CCDC40: variants seen among roughly 807,000 people sequenced by gnomAD.
CCDC40 encodes coiled-coil domain 40 molecular ruler complex subunit.
CCDC40 carries 104 observed loss-of-function variants against 124.5 expected under a neutral mutation model. That is an observed-to-expected ratio of 0.84 (90% CI 0.71 to 0.98). The LOEUF (loss-of-function observed/expected upper bound fraction) is 0.98, where lower values mean the gene tolerates loss of function less well. CCDC40 is among the 50% of genes least tolerant of loss of function. The pLI, the probability that CCDC40 is intolerant of heterozygous loss-of-function variation, is 0.00. For synonymous variants in CCDC40, 580 were observed against 602.9 expected (o/e 0.96, Z 0.56); for missense variants, 1,463 against 1,503.9 (o/e 0.97, Z 0.45).
chr17:80,065,512 G>A lies in CCDC40; in HGVS notation c.1468G>A (p.Val490Met), dbSNP rs200902099. The A allele has an allele frequency of 1.3e-4, 203 of 1,612,990 alleles. No individual in the cohort carries two copies. Among genetic ancestry groups the A allele is most frequent in the Admixed American group, 2.3e-4 (14 of 59,986 alleles). The change falls in exon 10 of 20, where the codon GTG becomes ATG. Residue 490 changes from valine (V) to methionine (M), a missense_variant. Coordinates refer to ENST00000397545, the MANE Select transcript of CCDC40 (RefSeq NM_017950.4). Reference sequence around the variant, plus strand: ...CTGCACCGAGATCGACGCCATCAGCGTGGAGAAGAGGCGCATCATGCAGCA... The same window carrying A: ...CTGCACCGAGATCGACGCCATCAGCATGGAGAAGAGGCGCATCATGCAGCA... The part of the protein sequence containing the change: ...EACTEIDAIS[V>M]EKRRIMQQWA...
At chr17:80,068,113 G>GTTGAGGAGTTC (rs2038095924) in intron 10 of CCDC40, 1 of 384,726 alleles carries the variant, frequency 2.6e-6, no homozygotes, top group Non-Finnish European at 3.5e-6. Context: ...TGCTCACTGC[G>GTTGAGGAGTTC]ACCTCCGCCT....
At chr17:80,037,859 G>C (rs1310920903) in intron 1 of CCDC40, 2 of 391,124 alleles carry the variant, frequency 5.1e-6, no homozygotes, top group Non-Finnish European at 9.8e-6. Context: ...TTTCTGGGGT[G>C]ATCTAATCCT....
intron 16 of CCDC40, 124 bp downstream of exon 16, chr17:80,088,226 C>A (rs2038631296): frequency 4.1e-6 from 3 of 735,378 alleles, no homozygotes; most frequent in South Asian, 2.9e-5. Context: ...GTGCTTTGGT[C>A]ATTTTTTGTT....
At chr17:80,097,704 A>G (rs2038835940) in intron 19 of CCDC40, 1 of 417,274 alleles carries the variant, frequency 2.4e-6, no homozygotes, top group Non-Finnish European at 4.5e-6. Flanking sequence ...CTCCTGGGGC[A>G]GGAGGACAGA....
intron 3 of CCDC40, among the ~76,000 whole-genome samples, chr17:80,043,799 A>G (rs1011663260): frequency 2.6e-5 from 4 of 151,904 alleles, no homozygotes; most frequent in African/African-American, 9.7e-5. Flanking sequence ...GATTACAGGC[A>G]TGAGCCACCA....
intron 10 of CCDC40, among the ~76,000 whole-genome samples, chr17:80,078,421 C>T (rs909176874): frequency 3.2e-4 from 49 of 152,014 alleles, no homozygotes; most frequent in African/African-American, 1.1e-3. Flanking sequence ...TTCCAGGTCT[C>T]GCTTTTAGGC....
In CCDC40 at chr17:80,066,361, C is replaced by G. The variant is rs2038047295; in HGVS notation, c.1562+755C>G. 5.2e-6 allele frequency: 3 copies of G among 576,588 alleles called. No homozygotes were observed. In the Admixed American group the frequency reaches 9.2e-5, roughly 18 times the overall value. The allele number at this position is 576,588 out of a possible 1,614,324, so 35.7% of individuals were successfully genotyped here. A position where few individuals can be genotyped will look rare whatever the true frequency, so the allele number is the denominator to read the frequency against. On this transcript the variant is annotated intron_variant, in intron 10 of 19. Transcript: ENST00000397545. This position sits in a 1 kb window ranked among gnomAD's most constrained non-coding sequence, Gnocchi z 4.4. ...GCAGCAGTCACACAACCAGGAGATG[C>G]TTTTCCTTTTGGGTGCTGTGATTAA...
At chr17:80,047,084 G>A (rs1470367122) in intron 3 of CCDC40, among the ~76,000 whole-genome samples, 195 bp from the exon 4 acceptor site, 1 of 152,204 alleles carries the variant, frequency 6.6e-6, no homozygotes, top group South Asian at 2.1e-4. Context: ...GGCCTCAAGC[G>A]ATCCACCCGC....
In CCDC40 at chr17:80,086,349, C is replaced by T. The variant is rs1204959856; in HGVS notation, c.2449+133C>T. The T allele has an allele frequency of 1.7e-5, 12 of 726,964 alleles. No individual in the cohort carries two copies. The highest frequency in any genetic ancestry group is 2.1e-5 in the Admixed American group (1 of 46,622). 45.0% of individuals were successfully genotyped at this position (726,964 alleles called of 1,614,324 possible). A position where few individuals can be genotyped will look rare whatever the true frequency, so the allele number is the denominator to read the frequency against. On this transcript the variant is annotated intron_variant, in intron 14 of 19. Coordinates refer to ENST00000397545, the MANE Select transcript of CCDC40 (RefSeq NM_017950.4). This position sits in a 1 kb window ranked among gnomAD's most constrained non-coding sequence, Gnocchi z 5.5. ...CAGCCTTAAAAGCAAATAACAAACGCGCATGCTCCCTGTATTTTGTAAATG... is the reference window on the plus strand; with the variant it reads ...CAGCCTTAAAAGCAAATAACAAACGTGCATGCTCCCTGTATTTTGTAAATG...
At chr17:80,091,425 C>T (rs916259522) in intron 17 of CCDC40, among the ~76,000 whole-genome samples, 2 of 152,028 alleles carry the variant, frequency 1.3e-5, no homozygotes, top group South Asian at 2.1e-4. Flanking sequence ...TCCTAGTATC[C>T]GGCATCTAAT....
At position 80,039,828 on chromosome 17, in the gene CCDC40, A is replaced by G; in HGVS notation, c.110A>G (p.Lys37Arg). Residue 37 changes from lysine (K) to arginine (R), a missense_variant, in exon 3 of 20, where the codon AAG (lysine) becomes AGG (arginine). Transcript: ENST00000397545. ...CCTTTACAGGTGTCACCACCAGAGA[A>G]GGATGATGGCCAGAAAGGTGAAGAA... ...NESHMVSPPE[K>R]DDGQKGEEAV... 3 of 1,613,904 alleles carry G rather than the reference A, an allele frequency of 1.9e-6. No homozygotes were observed. Among genetic ancestry groups the G allele is most frequent in the Admixed American group, 1.7e-5 (1 of 59,992 alleles).
In CCDC40 at chr17:80,081,724, A is replaced by G. The variant is rs1305479744; in HGVS notation, c.1741A>G (p.Ser581Gly). Reference sequence around the variant, plus strand: ...CCTGACCAAGCAGGTGGCCCTGCAGAGCCAGTTCAATACCTACAGGCTCAC... The same window carrying G: ...CCTGACCAAGCAGGTGGCCCTGCAGGGCCAGTTCAATACCTACAGGCTCAC... ...QCLTKQVALQ[S>G]QFNTYRLTLQ... Residue 581 changes from serine (S) to glycine (G), a missense_variant, in exon 11 of 20, where the codon AGC becomes GGC. Coordinates refer to ENST00000397545, the MANE Select transcript of CCDC40 (RefSeq NM_017950.4). 1 of 1,614,136 alleles carries G rather than the reference A, an allele frequency of 6.2e-7. No homozygotes were observed. Among genetic ancestry groups the G allele is most frequent in the Non-Finnish European group, 8.5e-7 (1 of 1,180,018 alleles).
rs781663105 is a variant in CCDC40, at chr17:80,087,663, C to T, written c.2506C>T (p.Leu836=). The T allele has an allele frequency of 3.4e-5, 55 of 1,613,908 alleles. No individual in the cohort carries two copies. Among genetic ancestry groups the T allele is most frequent in the Non-Finnish European group, 4.3e-5 (51 of 1,179,896 alleles). Residue 836 remains leucine (L), a synonymous_variant, in exon 15 of 20, where the codon CTG becomes TTG. Transcript: ENST00000397545. The surrounding 1 kb of genome is among the most constrained non-coding windows in gnomAD (Gnocchi z 4.5). ...QKEIEHHMKD[L]DNDLKKLNML... is the part of the protein sequence containing the mutation. ...GGAGATCGAGCACCACATGAAGGAC[C>T]TGGACAACGACCTGAAGAAGCTCAA...
intron 9 of CCDC40, among the ~76,000 whole-genome samples, chr17:80,060,029 T>C (rs1224921493): frequency 6.6e-6 from 1 of 152,104 alleles, no homozygotes; most frequent in African/African-American, 2.4e-5. Context: ...ATCCCTTAGT[T>C]AACAAAACAA....
intron 17 of CCDC40, among the ~76,000 whole-genome samples, chr17:80,091,302 TAC>T (rs71163919): frequency 0.051 from 7,054 of 139,428 alleles, 228 homozygotes; most frequent in East Asian, 0.14. Context: ...ACCAGTAGAC[TAC>T]ACACACACAC....
chr17:80,041,159 A>T (rs2037270572), intron 3 of CCDC40, among the ~76,000 whole-genome samples: 1 of 152,200 alleles, frequency 6.6e-6, no homozygotes, highest in Non-Finnish European at 1.5e-5. Context: ...TGGTCACCAA[A>T]GCCTTCGAAC....
intron 7 of CCDC40, among the ~76,000 whole-genome samples, chr17:80,057,679 A>G (rs1417830545): frequency 2.0e-5 from 3 of 151,918 alleles, no homozygotes; most frequent in African/African-American, 7.2e-5. Flanking sequence ...GATGGAGATT[A>G]TCCTGGCTAA....
In CCDC40 at chr17:80,075,789, A is replaced by G. The variant is rs1178274482; in HGVS notation, c.1563-5757A>G. ...CCACTGCGCCCGGCCCCAAAATATC[A>G]CCTTTAATGGCAAAACTGCAATTAC... On this transcript the variant is annotated intron_variant, in intron 10 of 19. Coordinates refer to ENST00000397545, the MANE Select transcript of CCDC40 (RefSeq NM_017950.4). 2.0e-5 allele frequency among the ~76,000 whole-genome samples: 3 copies of G among 152,064 alleles called. No homozygotes were observed. In the South Asian group the frequency reaches 6.2e-4, roughly 31 times the overall value.
At chr17:80,096,064 A>G (rs12951177) in intron 18 of CCDC40, among the ~76,000 whole-genome samples, 96,931 of 152,214 alleles carry the variant, frequency 0.64, 31,485 homozygotes, top group Middle Eastern at 0.79. Context: ...TTGGCCCCAC[A>G]GCCCCGCTGA....
Sources: allele counts gnomAD v4.1 joint callset (sites outside exome capture counted in the v4.1 genomes callset), GRCh38; gene constraint gnomAD v4.1.1; non-coding constraint Gnocchi (gnomAD v3.1); transcripts MANE v1.5; gene names NCBI Gene and HGNC (gene_info 2026-07-23, HGNC 2026-07-21).